ZNF385D: variants seen among roughly 807,000 people sequenced by gnomAD.
ZNF385D encodes the protein zinc finger protein 385D.
A neutral mutation model predicts 35.8 loss-of-function variants in ZNF385D; 15 were observed. The ratio of observed to expected loss-of-function variants is 0.42; its 90% confidence interval spans 0.28 to 0.64. ZNF385D has a LOEUF of 0.64. Among genes scored for constraint, ZNF385D ranks in the 30% least tolerant of loss-of-function variants. The pLI is 0.23. For synonymous variants in ZNF385D, 212 were observed against 186.8 expected (o/e 1.13, Z -1.10); for missense variants, 474 against 494.6 (o/e 0.96, Z 0.39).
intron 3 of ZNF385D, among the ~76,000 whole-genome samples, chr3:22,128,137 A>T (rs906388216): frequency 1.2e-4 from 18 of 152,180 alleles, no homozygotes; most frequent in African/African-American, 4.3e-4. Context: ...TCTTTGAAAT[A>T]TATTTTTGAT....
intron 2 of ZNF385D, among the ~76,000 whole-genome samples, chr3:22,308,920 T>G (rs1268367870): frequency 1.3e-5 from 2 of 152,040 alleles, no homozygotes; most frequent in Non-Finnish European, 2.9e-5. Flanking sequence ...ATTTGAAAAA[T>G]TTGCTTTATA....
At chr3:21,854,105 G>C (rs1163049362) in intron 3 of ZNF385D, among the ~76,000 whole-genome samples, 2 of 151,828 alleles carry the variant, frequency 1.3e-5, no homozygotes, top group African/African-American at 2.4e-5. Context: ...AAACAAGAAA[G>C]ATAGTACTGC....
intron 3 of ZNF385D, among the ~76,000 whole-genome samples, chr3:21,941,489 T>C (rs1222899898): frequency 8.7e-6 from 1 of 114,988 alleles, no homozygotes; most frequent in Admixed American, 1.1e-4. Context: ...ATTCCATTAC[T>C]CTTTTTTTTT....
At chr3:22,116,592 T>G (rs1702823674) in intron 3 of ZNF385D, among the ~76,000 whole-genome samples, 1 of 152,034 alleles carries the variant, frequency 6.6e-6, no homozygotes, top group Admixed American at 6.6e-5. Flanking sequence ...TTACACAAAA[T>G]TTCTTAGAAC....
chr3:22,107,178 C>A (rs1026179392), intron 3 of ZNF385D, among the ~76,000 whole-genome samples: 12 of 151,954 alleles, frequency 7.9e-5, no homozygotes, highest in African/African-American at 2.7e-4. Flanking sequence ...CATGTGCCAC[C>A]ACACCTAGCT....
At chr3:21,996,883 G>C (rs1382356601) in intron 3 of ZNF385D, among the ~76,000 whole-genome samples, 5 of 152,134 alleles carry the variant, frequency 3.3e-5, no homozygotes, top group African/African-American at 1.2e-4. Flanking sequence ...CTCTGCCCGA[G>C]TGATTAAGCA....
At chr3:22,341,074 G>C (rs1052297925) in intron 2 of ZNF385D, among the ~76,000 whole-genome samples, 3 of 152,132 alleles carry the variant, frequency 2.0e-5, no homozygotes, top group Non-Finnish European at 2.9e-5. Flanking sequence ...CTTAGACAAA[G>C]AATCAAGAAA....
intron 2 of ZNF385D, among the ~76,000 whole-genome samples, chr3:21,585,947 C>A (rs1010857623): frequency 1.3e-5 from 2 of 152,036 alleles, no homozygotes; most frequent in African/African-American, 4.8e-5. Flanking sequence ...GGTAGGGGAA[C>A]TACTTGAAGC....
At chr3:21,614,286 C>T (rs1252525512) in intron 2 of ZNF385D, among the ~76,000 whole-genome samples, 4 of 152,132 alleles carry the variant, frequency 2.6e-5, no homozygotes, top group Admixed American at 6.5e-5. Context: ...GTTCAGGAGT[C>T]AAGAGACTCT....
chr3:22,184,429 A>G (rs190606062), intron 2 of ZNF385D, among the ~76,000 whole-genome samples: 1 of 152,094 alleles, frequency 6.6e-6, no homozygotes, highest in Non-Finnish European at 1.5e-5. Flanking sequence ...GCAGATCTCA[A>G]ATCTTCAATA....
chr3:21,881,269 A>C (rs1234137529), intron 3 of ZNF385D, among the ~76,000 whole-genome samples: 1 of 152,008 alleles, frequency 6.6e-6, no homozygotes, highest in Non-Finnish European at 1.5e-5. Flanking sequence ...AAATTTTCAA[A>C]GGACAGGCTG....
chr3:22,214,618 G>C (rs1559457082), intron 2 of ZNF385D, among the ~76,000 whole-genome samples: 1 of 151,982 alleles, frequency 6.6e-6, no homozygotes, highest in Non-Finnish European at 1.5e-5. Flanking sequence ...GCCGCTTCAG[G>C]GGGTGGCCAT....
At chr3:21,870,411 C>A (rs17009884) in intron 3 of ZNF385D, among the ~76,000 whole-genome samples, 1 of 152,144 alleles carries the variant, frequency 6.6e-6, no homozygotes, top group South Asian at 2.1e-4. Context: ...GACATGGATG[C>A]TCTTCTACCC....
At chr3:21,561,081 C>T (rs1347965349) in intron 3 of ZNF385D, among the ~76,000 whole-genome samples, 1 of 152,178 alleles carries the variant, frequency 6.6e-6, no homozygotes, top group Non-Finnish European at 1.5e-5. Flanking sequence ...GCCTGCTGGG[C>T]TCTGAGGGGG....
Position 21,955,587 on chromosome 3 carries a change from G to A in ZNF385D, c.325+213230C>T, listed in dbSNP as rs139850719. On this transcript the variant is annotated intron_variant, in intron 3 of 5. Transcript: ENST00000494108. Reference sequence around the variant, plus strand: ...GCCTGGGTGAGGAAACATTACTTGCGGTGCCAAACCAAACAAAAACTTGAA... The same window carrying A: ...GCCTGGGTGAGGAAACATTACTTGCAGTGCCAAACCAAACAAAAACTTGAA... Among the ~76,000 whole-genome samples, 27 of 152,088 alleles carry A rather than the reference G, an allele frequency of 1.8e-4. No homozygotes were observed. The East Asian group carries it at 3.3e-3, about 19-fold the overall frequency.
chr3:21,963,297 G>C (rs1043976371), intron 3 of ZNF385D, among the ~76,000 whole-genome samples: 1 of 152,084 alleles, frequency 6.6e-6, no homozygotes, highest in Non-Finnish European at 1.5e-5. Context: ...GGGTGTGTTC[G>C]GAGGTAGGAT....
At chr3:21,830,756 T>C (rs2125762247) in intron 3 of ZNF385D, among the ~76,000 whole-genome samples, 1 of 152,314 alleles carries the variant, frequency 6.6e-6, no homozygotes, top group South Asian at 2.1e-4. Flanking sequence ...GAAATTTTGC[T>C]TGCAGTGTAC....
intron 3 of ZNF385D, among the ~76,000 whole-genome samples, chr3:22,094,177 C>T (rs1204559485): frequency 6.6e-6 from 1 of 151,196 alleles, no homozygotes; most frequent in Non-Finnish European, 1.5e-5. Flanking sequence ...TCCTTTCTAC[C>T]AATTATATTA....
chr3:22,213,353 C>T (rs542475355), intron 2 of ZNF385D, among the ~76,000 whole-genome samples: 3 of 152,086 alleles, frequency 2.0e-5, no homozygotes, highest in African/African-American at 7.2e-5. Context: ...ACTGGTAGCA[C>T]AAAAACAAGA....
Sources: gnomAD v4.1 joint callset for allele counts (sites outside exome capture counted in the v4.1 genomes callset) on GRCh38, gnomAD v4.1.1 for gene constraint, MANE v1.5 for transcripts, NCBI Gene and HGNC (gene_info 2026-07-23, HGNC 2026-07-21) for gene names.